The following EXD3 variants were observed in gnomAD, a reference collection of about 807,000 sequenced individuals.
The protein encoded by EXD3 is exonuclease 3'-5' domain containing 3.
A neutral mutation model predicts 98.0 loss-of-function variants in EXD3; 92 were observed. That is an observed-to-expected ratio of 0.94 (90% CI 0.79 to 1.12). The LOEUF is 1.12. Ranked by LOEUF, EXD3 falls within the 50% of genes most tolerant of loss-of-function variation. The probability of loss-of-function intolerance (pLI) is 0.00; values close to 1 mark genes in which losing one functional copy is unlikely to be tolerated. For synonymous variants in EXD3, 569 were observed against 526.0 expected (o/e 1.08, Z -1.12); for missense variants, 1,222 against 1,191.6 (o/e 1.03, Z -0.38).
At chr9:137,311,964 C>T (rs943643898) in intron 19 of EXD3, among the ~76,000 whole-genome samples, 18 of 152,166 alleles carry the variant, frequency 1.2e-4, no homozygotes, top group South Asian at 1.0e-3. Flanking sequence ...CGCCCCCCAG[C>T]ACTCGGGGGC....
At chr9:137,382,116 TGGAGGTGAGGGCGCGGGGA>T (rs1178717923) in intron 3 of EXD3, among the ~76,000 whole-genome samples, 863 of 24,932 alleles carry the variant, frequency 0.035, 5 homozygotes, top group Middle Eastern at 0.13. Context: ...AGGGCGGCGG[TGGAGGTGAGGGCGCGGGGA>T]GGAGGTGAGG....
chr9:137,354,618 A>C (rs1290260264), intron 9 of EXD3, 82 bp downstream of exon 9: 2 of 1,586,812 alleles, frequency 1.3e-6, no homozygotes, highest in Non-Finnish European at 1.7e-6. Context: ...TGCACCCTGC[A>C]GTGCGCAGTG....
At position 137,347,949 on chromosome 9, in the gene EXD3, G is replaced by A. The variant is rs1588311187; in HGVS notation, c.1998+122C>T. On this transcript the variant is annotated intron_variant, in intron 17 of 21. Coordinates refer to ENST00000340951, the MANE Select transcript of EXD3 (RefSeq NM_017820.5). The surrounding 1 kb of genome is among the most constrained non-coding windows in gnomAD (Gnocchi z 4.2). Reference sequence around the variant, plus strand: ...CCACCCCGTCCTGTTCCCAGAGCCTGCCTGGCACAGCTGGCAGCCATGGAT... The same window carrying A: ...CCACCCCGTCCTGTTCCCAGAGCCTACCTGGCACAGCTGGCAGCCATGGAT... 1 of 1,237,908 alleles carries A rather than the reference G, an allele frequency of 8.1e-7. No individual in the cohort carries two copies. 76.7% of individuals were successfully genotyped at this position (1,237,908 alleles called of 1,614,324 possible). A position where few individuals can be genotyped will look rare whatever the true frequency, so the allele number is the denominator to read the frequency against.
At chr9:137,351,688 C>T (rs1344307100) in intron 12 of EXD3, among the ~76,000 whole-genome samples, 160 bp from the exon 13 acceptor site, 1 of 152,228 alleles carries the variant, frequency 6.6e-6, no homozygotes, top group East Asian at 1.9e-4. Context: ...GCACTAAGGC[C>T]TGTGCTCCAG....
At chr9:137,356,564 C>T (rs897754183) in intron 7 of EXD3, among the ~76,000 whole-genome samples, 196 bp from the exon 8 acceptor site, 6 of 152,190 alleles carry the variant, frequency 3.9e-5, no homozygotes, top group African/African-American at 1.4e-4. Context: ...GTGTATTTGC[C>T]TCCACATTTC....
chr9:137,387,223 G>A (rs28540541), intron 2 of EXD3, among the ~76,000 whole-genome samples: 123 of 152,076 alleles, frequency 8.1e-4, no homozygotes, highest in African/African-American at 2.8e-3. Flanking sequence ...TGGCCTCAAC[G>A]CTGAGCCCCA....
chr9:137,342,521 C>A (rs1320368041), intron 17 of EXD3, among the ~76,000 whole-genome samples: 1 of 152,162 alleles, frequency 6.6e-6, no homozygotes, highest in Non-Finnish European at 1.5e-5. Context: ...ATTAGGGACT[C>A]ATTGCCTGAG....
Position 137,373,413 on chromosome 9 carries a change from C to T in EXD3, c.294+13G>A. 6.2e-7 allele frequency: 1 copy of T among 1,603,470 alleles called. No individual in the cohort carries two copies. Among genetic ancestry groups the T allele is most frequent in the Non-Finnish European group, 8.5e-7 (1 of 1,178,970 alleles). On this transcript the variant is annotated intron_variant, in intron 4 of 21. Transcript: ENST00000340951. Reference sequence around the variant, plus strand: ...AGGAAGGGAGGTGACTGTCACAGAACCCATGGGCTCACCTGGGCCAGGCTC... The same window carrying T: ...AGGAAGGGAGGTGACTGTCACAGAATCCATGGGCTCACCTGGGCCAGGCTC...
intron 2 of EXD3, among the ~76,000 whole-genome samples, chr9:137,390,165 T>C (rs1836824824): frequency 8.0e-6 from 1 of 124,312 alleles, no homozygotes; most frequent in South Asian, 2.6e-4. Context: ...GCGCGGTGGC[T>C]CACACCTGTA....
intron 1 of EXD3, among the ~76,000 whole-genome samples, chr9:137,398,725 A>AGACACACAGGCACCCGCGTCCCCG (rs1837339509): frequency 1.1e-5 from 1 of 87,868 alleles, no homozygotes. Context: ...CCGCATCCCC[A>AGACACACAGGCACCCGCGTCCCCG]AGACACACAG....
rs945569475 is a variant in EXD3, at chr9:137,330,574, C to T, written c.1999-6431G>A. On this transcript the variant is annotated intron_variant, in intron 17 of 21. Coordinates refer to ENST00000340951, the MANE Select transcript of EXD3 (RefSeq NM_017820.5). The stretch of plus-strand genomic sequence containing the variant: ...GGAGCTACACAGGGCTCCACAGGAG[C>T]TACACAGGACTACACAGGACTACAC... 4.3e-5 allele frequency among the ~76,000 whole-genome samples: 3 copies of T among 70,290 alleles called. 1 individual carries two copies. The highest frequency in any genetic ancestry group is 1.7e-4 in the African/African-American group (3 of 17,758). The allele number at this position is 70,290 out of a possible 152,430, so 46.1% of individuals were successfully genotyped here.
At chr9:137,328,631 A>ACTACACGGGG (rs1832659218) in intron 17 of EXD3, among the ~76,000 whole-genome samples, 1 of 45,434 alleles carries the variant, frequency 2.2e-5, no homozygotes, top group Non-Finnish European at 3.8e-5. Context: ...ACTACACGGG[A>ACTACACGGGG]CTACACGGGG....
At chr9:137,355,678 TGGAGGAAGGAGAAAG>T (rs1834714386) in intron 8 of EXD3, among the ~76,000 whole-genome samples, 15 of 10,928 alleles carry the variant, frequency 1.4e-3, no homozygotes, top group Non-Finnish European at 1.8e-3. Flanking sequence ...AAAGGGAGGA[TGGAGGAAGGAGAAAG>T]GGAGGAAGGA....
rs532641907 is a variant in EXD3 at position 137,398,518 on chromosome 9, T to C, written c.-47-3114A>G. On this transcript the variant is annotated intron_variant, in intron 1 of 21. Transcript: ENST00000340951. ...CGTCCCCATGACACATGTGCACCCA[T>C]GTCCCCAAGACACACAGGCAACCGC... 2.0e-3 allele frequency among the ~76,000 whole-genome samples: 295 copies of C among 145,854 alleles called. 1 individual carries two copies. Among genetic ancestry groups the C allele is most frequent in the African/African-American group, 7.3e-3 (282 of 38,750 alleles).
chr9:137,328,123 G>T (rs1248055218), intron 17 of EXD3, among the ~76,000 whole-genome samples: 2 of 151,142 alleles, frequency 1.3e-5, no homozygotes, highest in East Asian at 3.9e-4. Context: ...CCCATATGAT[G>T]AGTAAAAACA....
At chr9:137,381,922 G>C (rs1481783804) in intron 3 of EXD3, among the ~76,000 whole-genome samples, 1 of 152,154 alleles carries the variant, frequency 6.6e-6, no homozygotes, top group African/African-American at 2.4e-5. Context: ...TGATGGAGGC[G>C]CGAGGAGGAG....
intron 7 of EXD3, among the ~76,000 whole-genome samples, chr9:137,362,163 A>C (rs1835024551): frequency 6.6e-6 from 1 of 152,218 alleles, no homozygotes; most frequent in Non-Finnish European, 1.5e-5. Context: ...AGCTCATTCT[A>C]TCAGGCAAGC....
chr9:137,422,416 T>C (rs1023357344), intron 1 of EXD3, among the ~76,000 whole-genome samples: 1 of 152,088 alleles, frequency 6.6e-6, no homozygotes, highest in African/African-American at 2.4e-5. Context: ...GCCAAGTAAC[T>C]ATCCACTGAT....
In EXD3 at chr9:137,398,563, A is replaced by G. The variant is rs562704772; in HGVS notation, c.-47-3159T>C. On this transcript the variant is annotated intron_variant, in intron 1 of 21. Transcript: ENST00000340951. ...AACCGCGTCCCCAAGACACACAGGC[A>G]ACCGCGTCCCCAAGACACACAGGCA... 1.7e-3 allele frequency among the ~76,000 whole-genome samples: 251 copies of G among 150,652 alleles called. 2 individuals carry two copies. Among genetic ancestry groups the G allele is most frequent in the African/African-American group, 5.8e-3 (235 of 40,820 alleles).
Sources: allele counts gnomAD v4.1 joint callset (sites outside exome capture counted in the v4.1 genomes callset), GRCh38; gene constraint gnomAD v4.1.1; non-coding constraint Gnocchi (gnomAD v3.1); transcripts MANE v1.5; gene names NCBI Gene and HGNC (gene_info 2026-07-23, HGNC 2026-07-21).